PBX1: variants seen among roughly 807,000 people sequenced by gnomAD.
PBX1 encodes pre-B-cell leukemia transcription factor 1.
A neutral mutation model predicts 53.4 loss-of-function variants in PBX1; 6 were observed. The observed-to-expected ratio is 0.11, with a 90% CI of 0.06 to 0.22. PBX1 has a LOEUF of 0.22. Ranked by LOEUF, PBX1 falls within the 10% of genes least tolerant of loss-of-function variation. The pLI is 1.00. For missense variants in PBX1, 251 were observed against 551.4 expected (o/e 0.46, Z 5.46); for synonymous variants, 204 against 212.3 (o/e 0.96, Z 0.34).
At chr1:164,639,869 G>C (rs542880223) in intron 2 of PBX1, among the ~76,000 whole-genome samples, 2 of 151,958 alleles carry the variant, frequency 1.3e-5, no homozygotes, top group African/African-American at 4.8e-5. Flanking sequence ...TTACTATGTT[G>C]CCTAGGCTAG....
chr1:164,722,549 C>T (rs527710793), intron 2 of PBX1, among the ~76,000 whole-genome samples: 21 of 152,300 alleles, frequency 1.4e-4, no homozygotes, highest in Non-Finnish European at 2.5e-4. Context: ...GAAGACTCTG[C>T]ATGCCTAACT....
At chr1:164,864,387 G>A (rs1672168411) in intron 2 of PBX1, among the ~76,000 whole-genome samples, 1 of 152,146 alleles carries the variant, frequency 6.6e-6, no homozygotes, top group African/African-American at 2.4e-5. Context: ...ATTACGAGCT[G>A]GTCCCTGGAG....
chr1:164,751,988 T>C (rs1243743869), intron 2 of PBX1, among the ~76,000 whole-genome samples: 1 of 152,112 alleles, frequency 6.6e-6, no homozygotes, highest in African/African-American at 2.4e-5. Context: ...GAGTCCTCAA[T>C]AGTTGTTAAG....
At chr1:164,761,476 G>A (rs891007855) in intron 2 of PBX1, among the ~76,000 whole-genome samples, 6 of 150,556 alleles carry the variant, frequency 4.0e-5, no homozygotes, top group Non-Finnish European at 5.9e-5. Flanking sequence ...ACGGAGTTTC[G>A]CTCTGTCGCC....
rs71583414 is a variant in PBX1 at position 164,603,929 on chromosome 1, A to ATTTTTTTTTTTTTTTTTTT, written c.265+40633_265+40651dup. Among the ~76,000 whole-genome samples the ATTTTTTTTTTTTTTTTTTT allele has an allele frequency of 1.0e-3, 78 of 75,758 alleles. 15 individuals carry two copies. Among genetic ancestry groups the ATTTTTTTTTTTTTTTTTTT allele is most frequent in the Non-Finnish European group, 1.4e-3 (64 of 44,402 alleles). 49.7% of individuals were successfully genotyped at this position (75,758 alleles called of 152,430 possible). On this transcript the variant is annotated intron_variant, in intron 2 of 8. Coordinates refer to ENST00000420696, the MANE Select transcript of PBX1 (RefSeq NM_002585.4). ...GACACTCTGTACATTATGTCATTTC[A>ATTTTTTTTTTTTTTTTTTT]TTTTTTTTTTTTTTTTTTTTTTTTT... is the stretch of plus-strand genomic sequence containing the variant.
Position 164,563,326 on chromosome 1 carries a change from C to G in PBX1, c.265+15C>G, listed in dbSNP as rs781480773. ...AGAAAAAACAGGTAGGAATGAGATT[C>G]CAACATTTTAGCATTTTCTTTGGCC... On this transcript the variant is annotated intron_variant, in intron 2 of 8. Coordinates refer to ENST00000420696, the MANE Select transcript of PBX1 (RefSeq NM_002585.4). 168 of 1,567,838 alleles carry G rather than the reference C, an allele frequency of 1.1e-4. No homozygotes were observed. The highest frequency in any genetic ancestry group is 7.9e-6 in the Non-Finnish European group (9 of 1,141,316).
At chr1:164,840,009 G>A (rs1671218140) in intron 8 of PBX1, among the ~76,000 whole-genome samples, 1 of 152,158 alleles carries the variant, frequency 6.6e-6, no homozygotes, top group Non-Finnish European at 1.5e-5. Context: ...TGGGAAGTAC[G>A]ATGGCAGGTA....
At chr1:164,628,056 A>T (rs1658159466) in intron 2 of PBX1, among the ~76,000 whole-genome samples, 1 of 152,230 alleles carries the variant, frequency 6.6e-6, no homozygotes, top group African/African-American at 2.4e-5. Flanking sequence ...TGTTCCTAGC[A>T]CAGTGCTCAG....
intron 2 of PBX1, among the ~76,000 whole-genome samples, chr1:164,861,127 C>A (rs554369107): frequency 3.3e-5 from 5 of 151,812 alleles, no homozygotes; most frequent in African/African-American, 1.2e-4. Context: ...GAGATTGAAG[C>A]CATTCAAGTA....
At chr1:164,563,625 T>C (rs1412221809) in intron 2 of PBX1, among the ~76,000 whole-genome samples, 1 of 152,188 alleles carries the variant, frequency 6.6e-6, no homozygotes, top group African/African-American at 2.4e-5. Flanking sequence ...AATATGAAAG[T>C]AAAAGTTCAT....
chr1:164,857,567 C>CAG (rs1255189567), intron 2 of PBX1, among the ~76,000 whole-genome samples: 1 of 152,162 alleles, frequency 6.6e-6, no homozygotes, highest in Non-Finnish European at 1.5e-5. Context: ...AAAGTTCTAA[C>CAG]CTTTTAATCA....
chr1:164,632,906 G>T (rs1658499409), intron 2 of PBX1, among the ~76,000 whole-genome samples: 1 of 152,158 alleles, frequency 6.6e-6, no homozygotes, highest in Non-Finnish European at 1.5e-5. Context: ...ATGGTGCCTA[G>T]ATCCTAGGGT....
At chr1:164,698,910 T>G (rs1662945343) in intron 2 of PBX1, among the ~76,000 whole-genome samples, 1 of 151,586 alleles carries the variant, frequency 6.6e-6, no homozygotes, top group Non-Finnish European at 1.5e-5. Flanking sequence ...CACAGGGGGG[T>G]TTTGAAACAA....
At chr1:164,731,674 C>G (rs1201747845) in intron 2 of PBX1, among the ~76,000 whole-genome samples, 1 of 152,206 alleles carries the variant, frequency 6.6e-6, no homozygotes, top group Non-Finnish European at 1.5e-5. Context: ...GCCTCCCATT[C>G]GAAAGCCCTC....
intron 6 of PBX1, chr1:164,818,613 C>T (rs1441827687): frequency 4.0e-5 from 6 of 150,496 alleles, no homozygotes; most frequent in Admixed American, 4.0e-4. Flanking sequence ...GAACATCCCA[C>T]AGGACAAAGA....
chr1:164,744,339 T>TA (rs1389329883), intron 2 of PBX1, among the ~76,000 whole-genome samples: 23 of 152,292 alleles, frequency 1.5e-4, no homozygotes, highest in African/African-American at 5.5e-4. Context: ...TGAATTGAGA[T>TA]ATCAAAAATT....
intron 2 of PBX1, among the ~76,000 whole-genome samples, chr1:164,718,811 A>G (rs1203954563): frequency 1.3e-5 from 2 of 152,204 alleles, no homozygotes; most frequent in Non-Finnish European, 2.9e-5. Context: ...AGTTTTGAAA[A>G]AGAGGTCTGT....
At chr1:164,767,400 C>T (rs1195705391) in intron 2 of PBX1, among the ~76,000 whole-genome samples, 1 of 152,110 alleles carries the variant, frequency 6.6e-6, no homozygotes, top group Non-Finnish European at 1.5e-5. Flanking sequence ...ACAAGGAATA[C>T]CTTTTTATCC....
intron 5 of PBX1, among the ~76,000 whole-genome samples, chr1:164,809,423 C>T (rs1669502704): frequency 6.6e-6 from 1 of 152,152 alleles, no homozygotes; most frequent in South Asian, 2.1e-4. Flanking sequence ...ATCTGTCTCT[C>T]CCCAAAGCAA....
Sources: allele counts gnomAD v4.1 joint callset (sites outside exome capture counted in the v4.1 genomes callset), GRCh38; gene constraint gnomAD v4.1.1; transcripts MANE v1.5; gene names NCBI Gene and HGNC (gene_info 2026-07-23, HGNC 2026-07-21).